The following CHD6 variants were observed in gnomAD, a reference collection of about 807,000 sequenced individuals.
The protein encoded by CHD6 is chromodomain helicase DNA binding protein 6.
CHD6 carries 50 observed loss-of-function variants against 276.9 expected under a neutral mutation model. The ratio of observed to expected loss-of-function variants is 0.18; its 90% CI spans 0.14 to 0.23. CHD6 has a LOEUF of 0.23. CHD6 is among the 10% of genes least tolerant of loss of function. The pLI is 1.00. For missense variants in CHD6, 2,564 were observed against 3,365.8 expected, an observed-to-expected ratio of 0.76 and a Z score of 5.89; for synonymous variants, 1,173 against 1,229.3, an observed-to-expected ratio of 0.95 and a Z score of 0.96.
Position 41,493,565 on chromosome 20 carries a change from A to C in CHD6, c.1287T>G (p.Leu429=), listed in dbSNP as rs769609160. 8.7e-6 allele frequency: 14 copies of C among 1,613,856 alleles called. 1 individual carries two copies. The South Asian group carries it at 1.5e-4, about 18-fold the overall frequency. Residue 429 remains leucine (L), a synonymous_variant, in exon 10 of 37, where the codon CTT becomes CTG. Coordinates refer to ENST00000373233, the MANE Select transcript of CHD6 (RefSeq NM_032221.5). Reference sequence around the variant, plus strand: ...CATGCTTAATTTCAGGGAGAACTTGAAGAGATTCAAATTCTTTAACTTTTG... The same window carrying C: ...CATGCTTAATTTCAGGGAGAACTTGCAGAGATTCAAATTCTTTAACTTTTG... ...DPAKVKEFES[L]QVLPEIKHVE...
intron 22 of CHD6, 88 bp downstream of exon 22, chr20:41,451,738 C>G: frequency 8.4e-7 from 1 of 1,185,432 alleles, no homozygotes; most frequent in Non-Finnish European, 1.3e-6. Context: ...AGAAGTCCCC[C>G]AAAGCACAGC....
chr20:41,578,024 C>A (rs910190933), intron 1 of CHD6, among the ~76,000 whole-genome samples: 2 of 152,142 alleles, frequency 1.3e-5, no homozygotes, highest in Non-Finnish European at 2.9e-5. Flanking sequence ...CAACAGCCAT[C>A]CTAGGTTATA....
chr20:41,499,266 T>TA, intron 6 of CHD6, 29 bp downstream of exon 6: 1 of 1,551,342 alleles, frequency 6.4e-7, no homozygotes, highest in Non-Finnish European at 8.8e-7. Context: ...GTGCTAATGA[T>TA]ATAAAAGCTA....
At chr20:41,474,765 T>C (rs2043134870) in intron 16 of CHD6, among the ~76,000 whole-genome samples, 1 of 152,136 alleles carries the variant, frequency 6.6e-6, no homozygotes, top group Non-Finnish European at 1.5e-5. Context: ...CTTGACTTCC[T>C]TGAAGAAAAG....
chr20:41,429,888 T>C (rs1334525591), intron 27 of CHD6, among the ~76,000 whole-genome samples: 2 of 152,350 alleles, frequency 1.3e-5, no homozygotes, highest in East Asian at 3.9e-4. Context: ...CCAGGGCTCC[T>C]TGCAATGCTA....
At chr20:41,607,642 A>C (rs535832240) in intron 1 of CHD6, among the ~76,000 whole-genome samples, 11 of 152,242 alleles carry the variant, frequency 7.2e-5, no homozygotes, top group African/African-American at 2.6e-4. Flanking sequence ...TGGAAAGAGA[A>C]GGCTCCATGA....
chr20:41,404,054 T>C lies in CHD6; in HGVS notation c.*539A>G, dbSNP rs2046601174. 1.1e-5 allele frequency: 12 copies of C among 1,046,976 alleles called. No individual in the cohort carries two copies. In the South Asian group the frequency reaches 5.0e-4, roughly 44 times the overall value. 64.9% of individuals were successfully genotyped at this position (1,046,976 alleles called of 1,614,324 possible). ...AATATATGTATTTTCAACCATTAGT[T>C]ATATACTTCTGTCTATACTACTCAC... On this transcript the variant is annotated 3_prime_UTR_variant, in exon 37 of 37. Transcript: ENST00000373233.
At chr20:41,591,491 G>T (rs980927732) in intron 1 of CHD6, among the ~76,000 whole-genome samples, 1 of 151,564 alleles carries the variant, frequency 6.6e-6, no homozygotes, top group African/African-American at 2.4e-5. Flanking sequence ...GAGAGTTCAA[G>T]ACCAGCCTGG....
In CHD6 at chr20:41,487,689, A is replaced by G. The variant is rs2043450664; in HGVS notation, c.1977T>C (p.Phe659=). The G allele has an allele frequency of 1.2e-6, 2 of 1,608,330 alleles. No individual in the cohort carries two copies. The highest frequency in any genetic ancestry group is 1.7e-6 in the Non-Finnish European group (2 of 1,178,614). The part of the protein sequence containing the change: ...FPSETAFLEE[F]GDLKTEEQVK... Reference sequence around the variant, plus strand: ...CCTGCTCCTCTGTTTTCAGATCTCCAAATTCCTCCAAGAAAGCGGTCTCTG... The same window carrying G: ...CCTGCTCCTCTGTTTTCAGATCTCCGAATTCCTCCAAGAAAGCGGTCTCTG... The change falls in exon 14 of 37, where the codon TTT becomes TTC. Residue 659 remains phenylalanine (F), a synonymous_variant. Transcript: ENST00000373233.
chr20:41,473,257 G>A lies in CHD6; in HGVS notation c.2664+65C>T. On this transcript the variant is annotated intron_variant, in intron 17 of 36. Transcript: ENST00000373233. This position sits in a 1 kb window ranked among gnomAD's most constrained non-coding sequence, Gnocchi z 4.1. ...TCACGGATGCTCTGTAGCCAAGCCA[G>A]GCCCTATCATGATGTTCTGGGATCC... 1 of 1,497,700 alleles carries A rather than the reference G, an allele frequency of 6.7e-7. No homozygotes were observed. Among genetic ancestry groups the A allele is most frequent in the Non-Finnish European group, 9.2e-7 (1 of 1,088,726 alleles). The allele number at this position is 1,497,700 out of a possible 1,614,324, so 92.8% of individuals were successfully genotyped here.
intron 3 of CHD6, among the ~76,000 whole-genome samples, chr20:41,521,327 G>C (rs1272493060): frequency 6.6e-6 from 1 of 152,054 alleles, no homozygotes; most frequent in Non-Finnish European, 1.5e-5. Flanking sequence ...TTTTTTTCTT[G>C]GTAGTTAAAT....
At chr20:41,491,634 G>A in intron 11 of CHD6, 64 bp downstream of exon 11, 5 of 1,603,280 alleles carry the variant, frequency 3.1e-6, no homozygotes, top group Non-Finnish European at 4.3e-6. Flanking sequence ...GACTCTAGGT[G>A]TTCCAGGCTA....
At position 41,417,292 on chromosome 20, in the gene CHD6, C is replaced by T. The variant is rs2047030293; in HGVS notation, c.6185G>A (p.Gly2062Glu). ...ESKSSTSGIT[G>E]DIGDELQEAR... ...CTCCTGTAGCTCATCCCCAATGTCT[C>T]CTGTGATGCCCGATGTTGAGCTCTT... The change falls in exon 32 of 37, where the codon GGA becomes GAA. Residue 2062 changes from glycine (G) to glutamate (E), a missense_variant. By Grantham distance (98) the Gly-to-Glu change is moderately conservative (BLOSUM62 -2). Around this residue, in one of 7 missense-constraint regions of CHD6, gnomAD observed 1,024 missense variants for 1,047.9 expected, o/e 0.98. Transcript: ENST00000373233. 6.2e-7 allele frequency: 1 copy of T among 1,614,040 alleles called. No homozygotes were observed. Among genetic ancestry groups the T allele is most frequent in the South Asian group, 1.1e-5 (1 of 91,082 alleles).
At chr20:41,521,821 C>T (rs1038323479) in intron 3 of CHD6, among the ~76,000 whole-genome samples, 19 of 152,194 alleles carry the variant, frequency 1.2e-4, no homozygotes, top group African/African-American at 4.3e-4. Flanking sequence ...GAAAAATAAA[C>T]ATGGCATGTC....
intron 4 of CHD6, among the ~76,000 whole-genome samples, chr20:41,514,375 G>A (rs1328431848): frequency 6.6e-6 from 1 of 152,092 alleles, no homozygotes; most frequent in East Asian, 1.9e-4. Context: ...TCCAAGTTTG[G>A]CCAAACCTTC....
chr20:41,472,241 CAAAA>C (rs11360480), intron 17 of CHD6, among the ~76,000 whole-genome samples: 1 of 125,812 alleles, frequency 7.9e-6, no homozygotes, highest in Non-Finnish European at 1.8e-5. Context: ...GACTCTGTCT[CAAAA>C]AAAAAAAAAA....
chr20:41,575,979 GA>G (rs1323485496), intron 1 of CHD6, among the ~76,000 whole-genome samples: 2 of 152,018 alleles, frequency 1.3e-5, no homozygotes, highest in African/African-American at 4.8e-5. Context: ...TTATTTTGAA[GA>G]AACAGTAATA....
At chr20:41,454,353 C>G (rs901702401) in intron 20 of CHD6, among the ~76,000 whole-genome samples, 4 of 152,202 alleles carry the variant, frequency 2.6e-5, no homozygotes, top group African/African-American at 9.7e-5. Flanking sequence ...TGGTTTGAGG[C>G]AGAGGCCTGA....
In CHD6 at chr20:41,575,826, T is replaced by A. The variant is rs529394871; in HGVS notation, c.-23-24466A>T. Among the ~76,000 whole-genome samples, 10 of 152,266 alleles carry A rather than the reference T, an allele frequency of 6.6e-5. No homozygotes were observed. In the East Asian group the frequency reaches 1.9e-3, roughly 29 times the overall value. On this transcript the variant is annotated intron_variant, in intron 1 of 36. Coordinates refer to ENST00000373233, the MANE Select transcript of CHD6 (RefSeq NM_032221.5). ...TATACAGGACAGTCATTAATGAAAC[T>A]AAAGAATCAACTCTTTTTCAACTAT...
Sources: allele counts gnomAD v4.1 joint callset (sites outside exome capture counted in the v4.1 genomes callset), GRCh38; gene constraint gnomAD v4.1.1; regional missense constraint gnomAD v4.1.1; non-coding constraint Gnocchi (gnomAD v3.1); transcripts MANE v1.5; gene names NCBI Gene and HGNC (gene_info 2026-07-23, HGNC 2026-07-21).